Variants in NCALD observed in about 807,000 individuals in gnomAD.
NCALD encodes neurocalcin-delta.
A neutral mutation model predicts 18.6 loss-of-function variants in NCALD; 10 were observed. That is an observed-to-expected ratio of 0.54 (90% confidence interval 0.33 to 0.91). The LOEUF (loss-of-function observed/expected upper bound fraction) is 0.91, where lower values mean the gene tolerates loss of function less well. Among genes scored for constraint, NCALD ranks in the 40% least tolerant of loss-of-function variants. The probability of loss-of-function intolerance (pLI) is 0.03; values close to 1 mark genes in which losing one functional copy is unlikely to be tolerated. For missense variants in NCALD, 184 were observed against 247.6 expected (o/e 0.74, Z 1.72); for synonymous variants, 88 against 87.4 (o/e 1.01, Z -0.04).
At chr8:101,868,547 A>G (rs1276438818) in intron 4 of NCALD, among the ~76,000 whole-genome samples, 1 of 152,186 alleles carries the variant, frequency 6.6e-6, no homozygotes, top group Non-Finnish European at 1.5e-5. Context: ...AGTTGAAAGT[A>G]CCTTTGATTA....
intron 1 of NCALD, among the ~76,000 whole-genome samples, chr8:102,081,554 A>ACAAAC (rs769039817): frequency 8.7e-6 from 1 of 115,354 alleles, no homozygotes; most frequent in Non-Finnish European, 1.9e-5. Flanking sequence ...GTAAAAAAAA[A>ACAAAC]AAAAAAAAAA....
At chr8:102,050,421 G>A (rs962062431) in intron 1 of NCALD, among the ~76,000 whole-genome samples, 13 of 150,794 alleles carry the variant, frequency 8.6e-5, no homozygotes, top group African/African-American at 2.7e-4. Flanking sequence ...ACTGCAAGGT[G>A]AAACACTAAA....
chr8:102,019,589 T>C (rs1014708102), intron 2 of NCALD, among the ~76,000 whole-genome samples: 3 of 152,142 alleles, frequency 2.0e-5, no homozygotes, highest in African/African-American at 7.2e-5. Context: ...CCACCATACA[T>C]TTAAGTAGCA....
At chr8:101,709,588 T>C (rs984524658) in intron 2 of NCALD, among the ~76,000 whole-genome samples, 9 of 152,216 alleles carry the variant, frequency 5.9e-5, no homozygotes, top group Non-Finnish European at 8.8e-5. Flanking sequence ...TGTGGTCCCA[T>C]TGATGGATCC....
At chr8:102,008,505 C>T (rs1821788253) in intron 2 of NCALD, among the ~76,000 whole-genome samples, 2 of 147,706 alleles carry the variant, frequency 1.4e-5, no homozygotes, top group Non-Finnish European at 3.0e-5. Context: ...CATGCAAGAT[C>T]ATTCTGGCCT....
intron 4 of NCALD, among the ~76,000 whole-genome samples, chr8:101,862,407 A>G (rs1001322119): frequency 6.6e-6 from 1 of 152,126 alleles, no homozygotes; most frequent in Non-Finnish European, 1.5e-5. Context: ...GTTCCAAATG[A>G]ATGGTGTTTT....
At chr8:101,772,869 G>A in intron 1 of NCALD, among the ~76,000 whole-genome samples, 1 of 152,088 alleles carries the variant, frequency 6.6e-6, no homozygotes, top group East Asian at 1.9e-4. Flanking sequence ...CAAAGGAGAG[G>A]GTCATGGTCC....
At chr8:101,934,726 G>C (rs1029189140) in intron 2 of NCALD, among the ~76,000 whole-genome samples, 2 of 152,300 alleles carry the variant, frequency 1.3e-5, no homozygotes, top group Non-Finnish European at 2.9e-5. Context: ...AAGTGAAGAA[G>C]TGGAGGCAGC....
intron 1 of NCALD, among the ~76,000 whole-genome samples, chr8:102,087,722 A>C (rs1187225274): frequency 1.3e-5 from 2 of 152,168 alleles, no homozygotes; most frequent in Non-Finnish European, 2.9e-5. Flanking sequence ...AGGGATGTAC[A>C]AGACCATGGG....
rs1190466025 is a variant in NCALD at position 101,906,354 on chromosome 8, C to T, written c.-107+9455G>A. 2.6e-5 allele frequency among the ~76,000 whole-genome samples: 4 copies of T among 152,160 alleles called. No homozygotes were observed. In the South Asian group the frequency reaches 8.3e-4, roughly 32 times the overall value. On this transcript the variant is annotated intron_variant, in intron 3 of 6. Transcript: ENST00000311028. ...AAGAACATCTGAGTGCTTTAATAAC[C>T]TAAATCAGAAGCCTGCAACCTCTTC...
chr8:101,712,746 G>T (rs931547191), intron 2 of NCALD, among the ~76,000 whole-genome samples: 3 of 152,082 alleles, frequency 2.0e-5, no homozygotes, highest in African/African-American at 7.2e-5. Context: ...AAATATATAT[G>T]CACCCAATAC....
At chr8:101,694,577 G>T (rs1814896757) in intron 2 of NCALD, among the ~76,000 whole-genome samples, 1 of 152,144 alleles carries the variant, frequency 6.6e-6, no homozygotes, top group Non-Finnish European at 1.5e-5. Context: ...CAGCGACTTG[G>T]TCTGGGAGGT....
intron 4 of NCALD, among the ~76,000 whole-genome samples, chr8:101,844,461 A>T (rs904349473): frequency 1.3e-5 from 2 of 151,690 alleles, no homozygotes; most frequent in African/African-American, 4.8e-5. Flanking sequence ...GGGCTCTAGC[A>T]ATCCTTCTGC....
intron 2 of NCALD, among the ~76,000 whole-genome samples, chr8:101,937,805 G>A (rs1818818325): frequency 6.6e-6 from 1 of 152,156 alleles, no homozygotes; most frequent in African/African-American, 2.4e-5. Flanking sequence ...TTACACTCTT[G>A]TAGGGAGACA....
rs577604870 is a variant in NCALD at position 101,863,237 on chromosome 8, C to A, written c.-20+23904G>T. ...GGTGTGGTATAGAGGAAGATTGGAG[C>A]CCATCTCATCTGTGACTATTTTCTT... is the stretch of plus-strand genomic sequence containing the variant. On this transcript the variant is annotated intron_variant, in intron 4 of 6. Coordinates refer to the NCALD transcript ENST00000311028. 3.9e-5 allele frequency among the ~76,000 whole-genome samples: 6 copies of A among 152,124 alleles called. No individual in the cohort carries two copies. The East Asian group carries it at 1.2e-3, about 29-fold the overall frequency.
At chr8:101,743,886 G>T (rs1461012070) in intron 1 of NCALD, among the ~76,000 whole-genome samples, 1 of 152,238 alleles carries the variant, frequency 6.6e-6, no homozygotes, top group African/African-American at 2.4e-5. Flanking sequence ...ACCACAGTAA[G>T]TGGGAAAGGA....
chr8:102,006,771 A>G (rs927635408), intron 2 of NCALD, among the ~76,000 whole-genome samples: 6 of 152,150 alleles, frequency 3.9e-5, no homozygotes, highest in Non-Finnish European at 5.9e-5. Flanking sequence ...TTTTACTGTA[A>G]ATAGTTCCTG....
At chr8:102,027,027 T>C (rs779042708) in intron 1 of NCALD, among the ~76,000 whole-genome samples, 14 of 152,212 alleles carry the variant, frequency 9.2e-5, no homozygotes, top group Admixed American at 3.9e-4. Context: ...TACAGGGCAC[T>C]ATGTCCCAAG....
intron 1 of NCALD, among the ~76,000 whole-genome samples, chr8:102,078,420 A>C (rs879531172): frequency 6.6e-6 from 1 of 152,198 alleles, no homozygotes; most frequent in Non-Finnish European, 1.5e-5. Flanking sequence ...GATCAAATGT[A>C]ACTCCTCAAC....
Sources: gnomAD v4.1 joint callset for allele counts (sites outside exome capture counted in the v4.1 genomes callset) on GRCh38, gnomAD v4.1.1 for gene constraint, MANE v1.5 for transcripts, NCBI Gene and HGNC (gene_info 2026-07-23, HGNC 2026-07-21) for gene names.